TOM1L2: variants seen among roughly 807,000 people sequenced by gnomAD.
The protein encoded by TOM1L2 is TOM1-like protein 2.
A neutral mutation model predicts 67.9 loss-of-function variants in TOM1L2; 31 were observed. The ratio of observed to expected loss-of-function variants is 0.46; its 90% confidence interval spans 0.34 to 0.62. TOM1L2 has a LOEUF of 0.62. Among genes scored for constraint, TOM1L2 ranks in the 20% least tolerant of loss-of-function variants. The pLI is 0.01. For synonymous variants in TOM1L2, 256 were observed against 254.0 expected, an observed-to-expected ratio of 1.01 and a Z score of -0.07; for missense variants, 606 against 663.5, an observed-to-expected ratio of 0.91 and a Z score of 0.95.
chr17:17,907,674 T>G, intron 1 of TOM1L2, 143 bp from the exon 2 acceptor site: 1 of 670,344 alleles, frequency 1.5e-6, no homozygotes, highest in Non-Finnish European at 2.5e-6. Context: ...AGTGCTATTA[T>G]CACAAGAGAA....
At chr17:17,866,518 G>A in intron 9 of TOM1L2, 99 bp from the exon 10 acceptor site, 1 of 1,416,516 alleles carries the variant, frequency 7.1e-7, no homozygotes, top group Non-Finnish European at 9.4e-7. Flanking sequence ...AAGAAGAAAA[G>A]TATCAGCGCT....
chr17:17,924,067 G>A (rs968811253), intron 1 of TOM1L2, among the ~76,000 whole-genome samples: 7 of 151,898 alleles, frequency 4.6e-5, no homozygotes, highest in Non-Finnish European at 8.8e-5. Flanking sequence ...GAACCCAGGA[G>A]CAGAGGTTGC....
At chr17:17,904,308 C>G (rs755488095) in intron 2 of TOM1L2, among the ~76,000 whole-genome samples, 7 of 152,186 alleles carry the variant, frequency 4.6e-5, no homozygotes, top group Non-Finnish European at 7.3e-5. Flanking sequence ...TTGGCCCCTT[C>G]AGAATAAGGA....
intron 1 of TOM1L2, among the ~76,000 whole-genome samples, chr17:17,926,972 T>C (rs558499683): frequency 6.2e-4 from 94 of 152,342 alleles, no homozygotes; most frequent in South Asian, 2.3e-3. Flanking sequence ...AACAGACTTA[T>C]CACACACAGG....
At chr17:17,926,480 G>A (rs943343667) in intron 1 of TOM1L2, among the ~76,000 whole-genome samples, 1 of 152,112 alleles carries the variant, frequency 6.6e-6, no homozygotes, top group African/African-American at 2.4e-5. Flanking sequence ...TAGGGTTCTA[G>A]ATCATCTGGG....
intron 12 of TOM1L2, among the ~76,000 whole-genome samples, chr17:17,854,410 C>G (rs949868918): frequency 6.6e-6 from 1 of 152,148 alleles, no homozygotes; most frequent in Admixed American, 6.5e-5. Flanking sequence ...TAGGAGGCCT[C>G]GGTATCCTCA....
At chr17:17,905,694 A>G (rs1024984493) in intron 2 of TOM1L2, among the ~76,000 whole-genome samples, 6 of 152,118 alleles carry the variant, frequency 3.9e-5, no homozygotes, top group African/African-American at 1.4e-4. Flanking sequence ...GCACGCCACT[A>G]TGCCAGGCCA....
At chr17:17,959,618 C>T (rs1375589517) in intron 1 of TOM1L2, among the ~76,000 whole-genome samples, 1 of 152,158 alleles carries the variant, frequency 6.6e-6, no homozygotes, top group Admixed American at 6.5e-5. Flanking sequence ...GGCCTCATTT[C>T]CTATTTCGAC....
Position 17,912,946 on chromosome 17 carries a change from G to A in TOM1L2, c.53-5415C>T, listed in dbSNP as rs535965442. On this transcript the variant is annotated intron_variant, in intron 1 of 14. Transcript: ENST00000379504. ...CGTCTGCAATCCCGGCACCTCGGGAGGCCGAGGCTGGCGGATCGCTCGCGG... is the reference window on the plus strand; with the variant it reads ...CGTCTGCAATCCCGGCACCTCGGGAAGCCGAGGCTGGCGGATCGCTCGCGG... Among the ~76,000 whole-genome samples, 1,145 of 152,364 alleles carry A rather than the reference G, an allele frequency of 7.5e-3. 12 individuals carry two copies. The highest frequency in any genetic ancestry group is 0.026 in the African/African-American group (1,099 of 41,580).
chr17:17,884,842 C>A lies in TOM1L2; in HGVS notation c.367-74G>T, dbSNP rs879584175. ...GTATCTGAAAATCCAAAGTGGCCCA[C>A]GTCCTCTCCCCGAGACCAGTGCTCT... On this transcript the variant is annotated intron_variant, in intron 4 of 14. Coordinates refer to ENST00000379504, the MANE Select transcript of TOM1L2 (RefSeq NM_001082968.2). 5.0e-6 allele frequency: 8 copies of A among 1,591,072 alleles called. No individual in the cohort carries two copies. In the Admixed American group the frequency reaches 1.2e-4, roughly 23 times the overall value.
At chr17:17,850,370 G>A (rs145741752) in intron 13 of TOM1L2, among the ~76,000 whole-genome samples, 136 of 152,216 alleles carry the variant, frequency 8.9e-4, no homozygotes, top group African/African-American at 3.0e-3. Context: ...TCTGAGGATG[G>A]AGACAATGGG....
intron 1 of TOM1L2, among the ~76,000 whole-genome samples, chr17:17,917,450 C>CTT (rs71155307): frequency 5.5e-5 from 2 of 36,348 alleles, no homozygotes; most frequent in Non-Finnish European, 5.0e-5. Flanking sequence ...TACCATTGGT[C>CTT]TTTTTTTTTT....
chr17:17,909,884 C>T (rs977463624), intron 1 of TOM1L2, among the ~76,000 whole-genome samples: 8 of 152,082 alleles, frequency 5.3e-5, no homozygotes, highest in Non-Finnish European at 1.2e-4. Context: ...TAAAAATTAG[C>T]TGGGCATAGT....
At chr17:17,912,529 G>A (rs994124163) in intron 1 of TOM1L2, among the ~76,000 whole-genome samples, 4 of 150,966 alleles carry the variant, frequency 2.6e-5, no homozygotes, top group African/African-American at 2.4e-5. Flanking sequence ...TGGCAGAGGC[G>A]CTCCTCACAT....
chr17:17,957,642 C>G (rs983481614), intron 1 of TOM1L2, among the ~76,000 whole-genome samples: 2 of 150,288 alleles, frequency 1.3e-5, no homozygotes, highest in African/African-American at 4.9e-5. Flanking sequence ...TAAAGTATAA[C>G]ATATTTATAT....
chr17:17,905,072 G>C (rs2039029662), intron 2 of TOM1L2, among the ~76,000 whole-genome samples: 1 of 152,212 alleles, frequency 6.6e-6, no homozygotes, highest in Non-Finnish European at 1.5e-5. Flanking sequence ...AGGAGGACGT[G>C]AGGAAGGTAG....
chr17:17,893,879 C>T (rs2144224781), intron 3 of TOM1L2, 69 bp from the exon 4 acceptor site: 4 of 1,509,820 alleles, frequency 2.6e-6, no homozygotes, highest in Non-Finnish European at 1.8e-6. Context: ...AACTGAGGAG[C>T]GCAGCTGAGT....
At chr17:17,918,010 T>G (rs980630588) in intron 1 of TOM1L2, among the ~76,000 whole-genome samples, 9 of 152,206 alleles carry the variant, frequency 5.9e-5, no homozygotes, top group Admixed American at 3.9e-4. Context: ...TATTTATGTC[T>G]TCTTTCTTCT....
intron 7 of TOM1L2, among the ~76,000 whole-genome samples, chr17:17,874,718 C>T (rs553174899): frequency 6.6e-6 from 1 of 152,322 alleles, no homozygotes; most frequent in South Asian, 2.1e-4. Flanking sequence ...CTGCTCTGGC[C>T]TTGTGTTTGC....
Sources: gnomAD v4.1 joint callset for allele counts (sites outside exome capture counted in the v4.1 genomes callset) on GRCh38, gnomAD v4.1.1 for gene constraint, MANE v1.5 for transcripts, NCBI Gene and HGNC (gene_info 2026-07-23, HGNC 2026-07-21) for gene names.